Variants in TGFBR3 observed in about 807,000 individuals in gnomAD.
The protein encoded by TGFBR3 is transforming growth factor beta receptor type 3.
In TGFBR3, 46 loss-of-function variants were observed where a neutral mutation model predicts 87.9. The observed-to-expected ratio is 0.52, with a 90% CI of 0.41 to 0.67. The LOEUF (loss-of-function observed/expected upper bound fraction) is 0.67, where lower values mean the gene tolerates loss of function less well. Among genes scored for constraint, TGFBR3 ranks in the 30% least tolerant of loss-of-function variants. The probability of loss-of-function intolerance (pLI) is 0.00; values close to 1 mark genes in which losing one functional copy is unlikely to be tolerated. For synonymous variants in TGFBR3, 381 were observed against 391.6 expected (o/e 0.97, Z 0.32); for missense variants, 866 against 1,041.9 (o/e 0.83, Z 2.32).
chr1:91,713,411 T>G (rs557590852), intron 12 of TGFBR3, among the ~76,000 whole-genome samples: 11 of 152,130 alleles, frequency 7.2e-5, no homozygotes, highest in Admixed American at 2.0e-4. Flanking sequence ...CAGAGGAGAT[T>G]CTCCATTTGG....
At chr1:91,865,439 C>T (rs181605166) in intron 1 of TGFBR3, among the ~76,000 whole-genome samples, 159 of 151,562 alleles carry the variant, frequency 1.0e-3, no homozygotes, top group Admixed American at 5.3e-3. Context: ...TACCCTAGAA[C>T]TTAAAGTATT....
At chr1:91,821,022 G>GT (rs1353375669) in intron 2 of TGFBR3, among the ~76,000 whole-genome samples, 2 of 152,044 alleles carry the variant, frequency 1.3e-5, no homozygotes, top group Admixed American at 1.3e-4. Flanking sequence ...AGTAATTGCA[G>GT]TTTTTTCCAT....
intron 2 of TGFBR3, among the ~76,000 whole-genome samples, chr1:91,856,356 A>T (rs2799514): frequency 6.6e-6 from 1 of 151,938 alleles, no homozygotes; most frequent in African/African-American, 2.4e-5. Context: ...GTGAGCCACC[A>T]CGCCCAGCCG....
At chr1:91,764,089 C>T (rs369416734) in intron 3 of TGFBR3, among the ~76,000 whole-genome samples, 6 of 152,020 alleles carry the variant, frequency 3.9e-5, no homozygotes, top group South Asian at 2.1e-4. Context: ...ACATTCCCCC[C>T]CACACACACC....
At chr1:91,747,803 G>C (rs962449816) in intron 4 of TGFBR3, among the ~76,000 whole-genome samples, 1 of 152,214 alleles carries the variant, frequency 6.6e-6, no homozygotes, top group Non-Finnish European at 1.5e-5. Flanking sequence ...GCACACCCAA[G>C]GCTTCCCTGA....
intron 6 of TGFBR3, among the ~76,000 whole-genome samples, chr1:91,729,427 G>C (rs974975499): frequency 3.3e-5 from 5 of 152,150 alleles, no homozygotes; most frequent in Non-Finnish European, 5.9e-5. Context: ...GGCATATTTT[G>C]TAATTTTCCT....
intron 2 of TGFBR3, among the ~76,000 whole-genome samples, chr1:91,893,524 C>G (rs1370078015): frequency 6.6e-6 from 1 of 152,198 alleles, no homozygotes; most frequent in Non-Finnish European, 1.5e-5. Flanking sequence ...CTCAAGTGAT[C>G]TGCCCATCTC....
intron 1 of TGFBR3, chr1:91,861,967 T>G (rs1678218703): frequency 4.3e-6 from 1 of 234,360 alleles, no homozygotes; most frequent in East Asian, 1.3e-4. Context: ...GCGATTCTCC[T>G]GCCTCAGCCT....
chr1:91,799,043 C>T (rs1361839465), intron 2 of TGFBR3, among the ~76,000 whole-genome samples: 2 of 152,204 alleles, frequency 1.3e-5, no homozygotes, highest in Non-Finnish European at 2.9e-5. Flanking sequence ...GTGCCCACTA[C>T]ACCACAACCT....
chr1:91,869,659 G>C (rs2799527), intron 1 of TGFBR3, among the ~76,000 whole-genome samples: 150 of 152,164 alleles, frequency 9.9e-4, no homozygotes, highest in African/African-American at 3.3e-3. Context: ...GCGAGACTCC[G>C]TCTCAAACAA....
intron 3 of TGFBR3, chr1:91,786,320 G>T (rs1571508946): frequency 6.6e-6 from 3 of 452,308 alleles, no homozygotes; most frequent in East Asian, 1.4e-4. Flanking sequence ...AAGAATCAGG[G>T]TCTAAAGCTG....
chr1:91,789,187 G>A (rs1374671969), intron 3 of TGFBR3, among the ~76,000 whole-genome samples: 1 of 152,134 alleles, frequency 6.6e-6, no homozygotes, highest in African/African-American at 2.4e-5. Flanking sequence ...TATGCCTGTA[G>A]TCCCAGCTAC....
chr1:91,719,566 G>T, intron 9 of TGFBR3, 102 bp from the exon 10 acceptor site: 11 of 1,438,530 alleles, frequency 7.6e-6, no homozygotes, highest in Non-Finnish European at 1.1e-5. Flanking sequence ...GACAGGCGAT[G>T]AGAGGCCTGC....
At chr1:91,893,924 T>TAA (rs34607132) in intron 2 of TGFBR3, among the ~76,000 whole-genome samples, 3,031 of 142,966 alleles carry the variant, frequency 0.021, 98 homozygotes, top group African/African-American at 0.069. Flanking sequence ...AAAACTTCCT[T>TAA]AAAAAAAAAA....
chr1:91,755,898 T>C (rs543726775), intron 4 of TGFBR3, among the ~76,000 whole-genome samples: 38 of 152,234 alleles, frequency 2.5e-4, no homozygotes, highest in African/African-American at 8.4e-4. Context: ...ATTTCATAAA[T>C]ACAGATGCAA....
At chr1:91,806,858 C>A (rs577577452) in intron 2 of TGFBR3, among the ~76,000 whole-genome samples, 4 of 152,314 alleles carry the variant, frequency 2.6e-5, no homozygotes, top group African/African-American at 9.6e-5. Context: ...CTGGGTACTA[C>A]AGGATCTATT....
intron 3 of TGFBR3, among the ~76,000 whole-genome samples, chr1:91,781,660 C>G (rs2100966336): frequency 6.6e-6 from 1 of 152,194 alleles, no homozygotes; most frequent in Middle Eastern, 3.4e-3. Context: ...TATTTAAGAA[C>G]ACATGACAAA....
intron 1 of TGFBR3, among the ~76,000 whole-genome samples, chr1:91,878,711 C>T (rs1275144896): frequency 6.6e-6 from 1 of 152,152 alleles, no homozygotes; most frequent in Non-Finnish European, 1.5e-5. Context: ...GACTAATCAA[C>T]TTAAATGTGT....
chr1:91,704,285 G>A (rs1297362190), intron 14 of TGFBR3, among the ~76,000 whole-genome samples: 14 of 150,032 alleles, frequency 9.3e-5, no homozygotes, highest in Non-Finnish European at 2.1e-4. Context: ...CCGAGATTGC[G>A]CCACTGCACT....
Sources: allele counts gnomAD v4.1 joint callset (sites outside exome capture counted in the v4.1 genomes callset), GRCh38; gene constraint gnomAD v4.1.1; transcripts MANE v1.5; gene names NCBI Gene and HGNC (gene_info 2026-07-23, HGNC 2026-07-21).